ARHGAP8: variants seen among roughly 807,000 people sequenced by gnomAD.
ARHGAP8 encodes the protein Rho GTPase activating protein 8, also known as rho GTPase-activating protein 8.
In ARHGAP8, 62 loss-of-function variants were observed where a neutral mutation model predicts 46.1. The ratio of observed to expected loss-of-function variants is 1.34; its 90% confidence interval spans 1.10 to 1.66. ARHGAP8 has a LOEUF of 1.66. Ranked by LOEUF, ARHGAP8 falls within the 40% of genes most tolerant of loss-of-function variation. ARHGAP8 has a pLI of 0.00. For missense variants in ARHGAP8, 923 were observed against 568.4 expected, an observed-to-expected ratio of 1.62 and a Z score of -6.34; for synonymous variants, 375 against 243.1, an observed-to-expected ratio of 1.54 and a Z score of -5.05.
At chr22:44,843,705 G>A (rs552568532) in intron 7 of ARHGAP8, among the ~76,000 whole-genome samples, 2 of 151,804 alleles carry the variant, frequency 1.3e-5, no homozygotes, top group Middle Eastern at 6.8e-3. Flanking sequence ...CATGCCTGTA[G>A]CCCCAGCTAC....
chr22:44,845,251 T>A lies in ARHGAP8; in HGVS notation c.597-18T>A. ...CAAGCTCAGGTAAAAACTGCGACTT[T>A]CTTTTCTGTTTTCTCAGCCTCAAAG... On this transcript the variant is annotated intron_variant, in intron 7 of 11. Coordinates refer to ENST00000356099, the MANE Select transcript of ARHGAP8 (RefSeq NM_181335.3). The A allele has an allele frequency of 6.2e-7, 1 of 1,614,084 alleles. No individual in the cohort carries two copies. The highest frequency in any genetic ancestry group is 1.1e-5 in the South Asian group (1 of 91,064).
rs370851544 is a variant in ARHGAP8 at position 44,797,217 on chromosome 22, C to CTTTT, written c.80-4845_80-4842dup. 3.9e-3 allele frequency among the ~76,000 whole-genome samples: 496 copies of CTTTT among 127,966 alleles called. 10 individuals carry two copies. Among genetic ancestry groups the CTTTT allele is most frequent in the African/African-American group, 0.01 (351 of 33,942 alleles). The allele number at this position is 127,966 out of a possible 152,430, so 84.0% of individuals were successfully genotyped here. ...TTCCAGACATGATAATGCTACTTGG[C>CTTTT]TTTTTTTTTTTTTTTTTTAATCCTG... On this transcript the variant is annotated intron_variant, in intron 2 of 11. Transcript: ENST00000356099.
At position 44,759,110 on chromosome 22, in the gene ARHGAP8, A is replaced by G. The variant is rs117024016; in HGVS notation, c.-72+6483A>G. On this transcript the variant is annotated intron_variant, in intron 1 of 11. Coordinates refer to ENST00000356099, the MANE Select transcript of ARHGAP8 (RefSeq NM_181335.3). Reference sequence around the variant, plus strand: ...GGGGTGACCCTGGAGTGTGGGTGGAACCAGGCCACGCTGGGCCTTGGATCC... The same window carrying G: ...GGGGTGACCCTGGAGTGTGGGTGGAGCCAGGCCACGCTGGGCCTTGGATCC... Among the ~76,000 whole-genome samples the G allele has an allele frequency of 3.3e-5, 5 of 152,294 alleles. No homozygotes were observed. In the East Asian group the frequency reaches 9.6e-4, roughly 29 times the overall value.
chr22:44,769,672 T>A (rs1216586249), intron 1 of ARHGAP8, among the ~76,000 whole-genome samples: 1 of 152,238 alleles, frequency 6.6e-6, no homozygotes, highest in African/African-American at 2.4e-5. Context: ...GTTAGGCACT[T>A]CTTTTGTTCT....
chr22:44,859,103 G>A (rs2070338579), intron 10 of ARHGAP8, among the ~76,000 whole-genome samples: 1 of 152,138 alleles, frequency 6.6e-6, no homozygotes, highest in African/African-American at 2.4e-5. Flanking sequence ...CATTTATAAA[G>A]TGATTCGGCT....
At chr22:44,836,613 C>G (rs1931305685) in intron 7 of ARHGAP8, among the ~76,000 whole-genome samples, 1 of 151,294 alleles carries the variant, frequency 6.6e-6, no homozygotes, top group South Asian at 2.2e-4. Flanking sequence ...ATGCACTGCC[C>G]ATTTCTCTGG....
chr22:44,855,843 C>G (rs1040352512), intron 10 of ARHGAP8, among the ~76,000 whole-genome samples: 2 of 152,110 alleles, frequency 1.3e-5, no homozygotes, highest in African/African-American at 4.8e-5. Flanking sequence ...GAAGAAATAC[C>G]TGAGGCTGGG....
chr22:44,858,452 C>T (rs2070306210), intron 10 of ARHGAP8, among the ~76,000 whole-genome samples: 1 of 116,632 alleles, frequency 8.6e-6, no homozygotes, highest in South Asian at 2.5e-4. Context: ...AGTGCAGCCT[C>T]TGTCTTCTGA....
intron 10 of ARHGAP8, 118 bp downstream of exon 10, chr22:44,849,178 G>C: frequency 1.3e-6 from 2 of 1,542,938 alleles, no homozygotes; most frequent in Non-Finnish European, 1.7e-6. Flanking sequence ...CCCTCCTCCT[G>C]TTGCCATCTG....
intron 6 of ARHGAP8, among the ~76,000 whole-genome samples, chr22:44,822,819 C>T (rs572929106): frequency 5.0e-4 from 76 of 152,276 alleles, no homozygotes; most frequent in African/African-American, 1.7e-3. Flanking sequence ...GTGTGGATAA[C>T]GCTGTGTACA....
intron 11 of ARHGAP8, among the ~76,000 whole-genome samples, chr22:44,861,191 T>TGAACTCCTGACCTC (rs923695052): frequency 4.4e-4 from 67 of 152,246 alleles, no homozygotes; most frequent in Middle Eastern, 3.4e-3. Context: ...AGGCTGATCT[T>TGAACTCCTGACCTC]GAACTCCTGA....
At chr22:44,779,688 A>G (rs1926699878) in intron 1 of ARHGAP8, among the ~76,000 whole-genome samples, 1 of 149,916 alleles carries the variant, frequency 6.7e-6, no homozygotes, top group Non-Finnish European at 1.5e-5. Context: ...CAGTTTCCCG[A>G]GTAGCCGGGA....
At chr22:44,796,347 G>T (rs1297230340) in intron 2 of ARHGAP8, among the ~76,000 whole-genome samples, 1 of 152,232 alleles carries the variant, frequency 6.6e-6, no homozygotes, top group African/African-American at 2.4e-5. Flanking sequence ...AGCTGATGGT[G>T]GGCTGGGGTG....
At chr22:44,762,956 C>G (rs141842182) in intron 1 of ARHGAP8, among the ~76,000 whole-genome samples, 1 of 152,140 alleles carries the variant, frequency 6.6e-6, no homozygotes, top group Non-Finnish European at 1.5e-5. Flanking sequence ...CATGAGATTA[C>G]AAGTTGGAGC....
chr22:44,824,131 C>A (rs1043803595), intron 6 of ARHGAP8, among the ~76,000 whole-genome samples: 4 of 152,178 alleles, frequency 2.6e-5, no homozygotes, highest in Non-Finnish European at 2.9e-5. Flanking sequence ...ACTGGCACAG[C>A]GGCAGGGCAG....
At chr22:44,803,462 T>C (rs1928698074) in intron 3 of ARHGAP8, among the ~76,000 whole-genome samples, 1 of 151,996 alleles carries the variant, frequency 6.6e-6, no homozygotes, top group South Asian at 2.1e-4. Context: ...GTGTGTGGCC[T>C]CTCCCTGTAC....
intron 7 of ARHGAP8, among the ~76,000 whole-genome samples, chr22:44,828,918 G>A (rs141589860): frequency 4.0e-5 from 6 of 151,830 alleles, no homozygotes; most frequent in African/African-American, 7.3e-5. Flanking sequence ...CGCCTTTCTC[G>A]TCTCTTATCT....
At chr22:44,846,231 C>T (rs2069952565) in intron 8 of ARHGAP8, among the ~76,000 whole-genome samples, 1 of 152,214 alleles carries the variant, frequency 6.6e-6, no homozygotes, top group South Asian at 2.1e-4. Flanking sequence ...GCGGGGAGTT[C>T]CCATGCAATA....
rs139538748 is a variant in ARHGAP8 at position 44,814,427 on chromosome 22, G to A, written c.300-245G>A. On this transcript the variant is annotated intron_variant, in intron 4 of 11. Coordinates refer to ENST00000356099, the MANE Select transcript of ARHGAP8 (RefSeq NM_181335.3). Reference sequence around the variant, plus strand: ...GTGTGAGTGAGCGCCTATAAACAGGGCTCCGACTTGCAGCTGTGCCTCGGC... The same window carrying A: ...GTGTGAGTGAGCGCCTATAAACAGGACTCCGACTTGCAGCTGTGCCTCGGC... Among the ~76,000 whole-genome samples the A allele has an allele frequency of 6.7e-3, 1,023 of 152,270 alleles. 7 individuals carry two copies. Among genetic ancestry groups the A allele is most frequent in the African/African-American group, 0.023 (946 of 41,560 alleles).
Sources: gnomAD v4.1 joint callset for allele counts (sites outside exome capture counted in the v4.1 genomes callset) on GRCh38, gnomAD v4.1.1 for gene constraint, MANE v1.5 for transcripts, NCBI Gene and HGNC (gene_info 2026-07-23, HGNC 2026-07-21) for gene names.